Variants in VEGFB observed in about 807,000 individuals in gnomAD.
The protein encoded by VEGFB is VEGF-related factor.
In VEGFB, 24 loss-of-function variants were observed where a neutral mutation model predicts 22.5. The ratio of observed to expected loss-of-function variants is 1.07; its 90% CI spans 0.77 to 1.50. VEGFB has a LOEUF of 1.50. VEGFB is among the 40% of genes most tolerant of loss of function. The pLI, the probability that VEGFB is intolerant of heterozygous loss-of-function variation, is 0.00. For missense variants in VEGFB, 327 were observed against 287.8 expected (o/e 1.14, Z -0.99); for synonymous variants, 141 against 117.4 (o/e 1.20, Z -1.30).
At chr11:64,236,394 C>T (rs1432080300) in intron 4 of VEGFB, 67 bp downstream of exon 4, 2 of 1,507,554 alleles carry the variant, frequency 1.3e-6, no homozygotes, top group African/African-American at 2.8e-5. Context: ...TATGGTGGTC[C>T]ACAGAACTGG....
Position 64,237,456 on chromosome 11 carries a change from T to C in VEGFB, c.447T>C (p.Ser149=). 6.2e-7 allele frequency: 1 copy of C among 1,610,140 alleles called. No individual in the cohort carries two copies. Among genetic ancestry groups the C allele is most frequent in the African/African-American group, 1.3e-5 (1 of 74,942 alleles). Residue 149 remains serine, a synonymous_variant, in exon 6 of 7, where the codon TCT becomes TCC. Transcript: ENST00000309422. ...ATPHHRPQPR[S]VPGWDSAPGA... ...CCCACCACCGTCCCCAGCCCCGTTC[T>C]GTTCCGGGCTGGGACTCTGCCCCCG...
chr11:64,237,034 G>T (rs2030100193), intron 4 of VEGFB, 153 bp from the exon 5 acceptor site: 1 of 598,058 alleles, frequency 1.7e-6, no homozygotes, highest in East Asian at 3.6e-5. Context: ...AGTGAGCCGA[G>T]ACCACGCCAC....
At position 64,237,081 on chromosome 11, in the gene VEGFB, CTCAA is replaced by C. The variant is rs1406459051; in HGVS notation, c.375-105_375-102del. ...CTGGGCAAGAAGAGGGAAACACAGT[CTCAA>C]AGAGAGAGAGAGAGAGAGAGAGAGA... On this transcript the variant is annotated intron_variant, in intron 4 of 6. Transcript: ENST00000309422. 1.5e-3 allele frequency: 1,062 copies of C among 712,328 alleles called. 144 individuals carry two copies. In the East Asian group the frequency reaches 0.029, roughly 19 times the overall value. The allele number at this position is 712,328 out of a possible 1,614,324, so 44.1% of individuals were successfully genotyped here.
intron 4 of VEGFB, 69 bp from the exon 5 acceptor site, chr11:64,237,118 A>AGAGGGAGAGGGAGAGGGAGAGGGAGAGG (rs2030133477): frequency 1.4e-6 from 1 of 718,320 alleles, no homozygotes; most frequent in East Asian, 2.8e-5. Flanking sequence ...AGAGAGAGAG[A>AGAGGGAGAGGGAGAGGGAGAGGGAGAGG]GAGAGTAGGA....
At chr11:64,236,843 C>G (rs544928757) in intron 4 of VEGFB, among the ~76,000 whole-genome samples, 44 of 149,038 alleles carry the variant, frequency 3.0e-4, no homozygotes, top group Admixed American at 1.1e-3. Context: ...CTTTGGGAGG[C>G]CCAGGCAGGC....
Position 64,237,662 on chromosome 11 carries a change from C to T in VEGFB, c.*22+7C>T, listed in dbSNP as rs747610434. 14 of 1,514,206 alleles carry T rather than the reference C, an allele frequency of 9.2e-6. No individual in the cohort carries two copies. Among genetic ancestry groups the T allele is most frequent in the African/African-American group, 5.5e-5 (4 of 72,786 alleles). The allele number at this position is 1,514,206 out of a possible 1,614,324, so 93.8% of individuals were successfully genotyped here. ...TCAACCCAGACACCTGCAGGTGAGG[C>T]GTCTGTGGGGTGGTGTTTGTTTGGG... is the stretch of plus-strand genomic sequence containing the variant. On this transcript the variant is annotated splice_region_variant and intron_variant, in intron 6 of 6. Transcript: ENST00000309422.
At position 64,237,123 on chromosome 11, in the gene VEGFB, G is replaced by GAGAGA. The variant is rs1555056104; in HGVS notation, c.375-64_375-63insAGAGA. On this transcript the variant is annotated intron_variant, in intron 4 of 6. Coordinates refer to ENST00000309422, the MANE Select transcript of VEGFB (RefSeq NM_003377.5). ...AGAGAGAGAGAGAGAGAGAGAGAGA[G>GAGAGA]TAGGATGCTGGGATTTCCTGATCTT... 1.8e-4 allele frequency: 116 copies of GAGAGA among 662,834 alleles called. 1 individual carries two copies. Among genetic ancestry groups the GAGAGA allele is most frequent in the Middle Eastern group, 8.3e-4 (2 of 2,408 alleles). The allele number at this position is 662,834 out of a possible 1,614,324, so 41.1% of individuals were successfully genotyped here.
intron 4 of VEGFB, among the ~76,000 whole-genome samples, chr11:64,236,695 C>CAAGAAGAGG (rs2030054182): frequency 8.2e-6 from 1 of 121,498 alleles, no homozygotes; most frequent in African/African-American, 3.2e-5. Context: ...CCAGCCTGGG[C>CAAGAAGAGG]GACAGAGCAA....
At chr11:64,235,616 C>T in intron 2 of VEGFB, 116 bp downstream of exon 2, 1 of 1,303,546 alleles carries the variant, frequency 7.7e-7, no homozygotes, top group Non-Finnish European at 1.1e-6. Context: ...TATTATTCTA[C>T]CCATTTCACA....
At position 64,237,658 on chromosome 11, in the gene VEGFB, G is replaced by A; in HGVS notation, c.*22+3G>A. ...GAGCTCAACCCAGACACCTGCAGGT[G>A]AGGCGTCTGTGGGGTGGTGTTTGTT... is the stretch of plus-strand genomic sequence containing the variant. On this transcript the variant is annotated splice_donor_region_variant and intron_variant, in intron 6 of 6. Coordinates refer to ENST00000309422, the MANE Select transcript of VEGFB (RefSeq NM_003377.5). 1 of 1,518,810 alleles carries A rather than the reference G, an allele frequency of 6.6e-7. No homozygotes were observed. 94.1% of individuals were successfully genotyped at this position (1,518,810 alleles called of 1,614,324 possible).
rs544982308 is a variant in VEGFB at position 64,236,860 on chromosome 11, C to G, written c.375-327C>G. 2.0e-5 allele frequency among the ~76,000 whole-genome samples: 3 copies of G among 149,472 alleles called. No individual in the cohort carries two copies. In the South Asian group the frequency reaches 6.4e-4, roughly 32 times the overall value. On this transcript the variant is annotated intron_variant, in intron 4 of 6. Coordinates refer to ENST00000309422, the MANE Select transcript of VEGFB (RefSeq NM_003377.5). ...TTGGGAGGCCCAGGCAGGCAGATCACCTGAGGTAAGGCGTTTGAGACCAGC... is the reference window on the plus strand; with the variant it reads ...TTGGGAGGCCCAGGCAGGCAGATCAGCTGAGGTAAGGCGTTTGAGACCAGC...
At chr11:64,235,324 C>A in intron 1 of VEGFB, 134 bp from the exon 2 acceptor site, 1 of 871,666 alleles carries the variant, frequency 1.1e-6, no homozygotes, top group Non-Finnish European at 1.8e-6. Flanking sequence ...GCAGTGGCCG[C>A]AGGAACAGAG....
At chr11:64,236,821 A>C (rs1238246168) in intron 4 of VEGFB, among the ~76,000 whole-genome samples, 1 of 144,934 alleles carries the variant, frequency 6.9e-6, no homozygotes, top group African/African-American at 2.5e-5. Context: ...GCTCACACCT[A>C]TAATCCCAGC....
In VEGFB at chr11:64,236,273, C is replaced by T. The variant is rs189570019; in HGVS notation, c.320C>T (p.Pro107Leu). 13 of 1,613,960 alleles carry T rather than the reference C, an allele frequency of 8.1e-6. No homozygotes were observed. In the East Asian group the frequency reaches 8.9e-5, roughly 11 times the overall value. The change falls in exon 4 of 7, where the codon CCG becomes CTG. Residue 107 changes from proline (P) to leucine (L), a missense_variant. Pro to Leu is a moderately conservative substitution (Grantham distance 98). Transcript: ENST00000309422. ...GCACAGATCCTCATGATCCGGTACC[C>T]GAGCAGTCAGCTGGGGGAGATGTCC... is the stretch of plus-strand genomic sequence containing the variant. ...VRMQILMIRY[P>L]SSQLGEMSLE...
chr11:64,237,123 G>GAGAGAGAGAGAGAGAGAGAAGAGA, intron 4 of VEGFB, 64 bp from the exon 5 acceptor site: 1 of 661,992 alleles, frequency 1.5e-6, no homozygotes, highest in East Asian at 3.7e-5. Context: ...GAGAGAGAGA[G>GAGAGAGAGAGAGAGAGAGAAGAGA]TAGGATGCTG....
chr11:64,237,017 A>G, intron 4 of VEGFB, 170 bp from the exon 5 acceptor site: 1 of 488,788 alleles, frequency 2.0e-6, no homozygotes, highest in East Asian at 3.9e-5. Context: ...TGGGAGGCGG[A>G]GGTTGCAGTG....
chr11:64,236,181 T>C, intron 3 of VEGFB, 73 bp from the exon 4 acceptor site: 1 of 1,578,698 alleles, frequency 6.3e-7, no homozygotes, highest in South Asian at 1.1e-5. Flanking sequence ...GGTGAGCTTT[T>C]CTCCCTTCAG....
At chr11:64,235,413 C>T (rs753015549) in intron 1 of VEGFB, 45 bp from the exon 2 acceptor site, 4 of 1,596,156 alleles carry the variant, frequency 2.5e-6, no homozygotes, top group African/African-American at 2.7e-5. Context: ...CAGGGCCACA[C>T]CCTCCTAAAG....
rs575367556 is a variant in VEGFB at position 64,238,550 on chromosome 11, G to A, written c.*217G>A. 6.8e-5 allele frequency: 50 copies of A among 739,340 alleles called. 1 individual carries two copies. The African/African-American group carries it at 8.8e-4, about 13-fold the overall frequency. 45.8% of individuals were successfully genotyped at this position (739,340 alleles called of 1,614,324 possible). A position where few individuals can be genotyped will look rare whatever the true frequency, so the allele number is the denominator to read the frequency against. On this transcript the variant is annotated 3_prime_UTR_variant, in exon 7 of 7. Transcript: ENST00000309422. ...CTCTTCTGCCATCCCTTGTCTCCCT[G>A]AGGCCATCATCAAACAGGACAGAGT...
Sources: allele counts gnomAD v4.1 joint callset (sites outside exome capture counted in the v4.1 genomes callset), GRCh38; gene constraint gnomAD v4.1.1; transcripts MANE v1.5; gene names NCBI Gene and HGNC (gene_info 2026-07-23, HGNC 2026-07-21).